Variants in PIP5K1C observed in about 807,000 individuals in gnomAD.
The protein encoded by PIP5K1C is phosphatidylinositol-4-phosphate 5-kinase type 1 gamma.
Under a neutral mutation model 80.1 loss-of-function variants are expected in PIP5K1C, and 45 were observed. The observed-to-expected ratio is 0.56, with a 90% CI of 0.44 to 0.72. The LOEUF (loss-of-function observed/expected upper bound fraction) is 0.72, where lower values mean the gene tolerates loss of function less well. PIP5K1C is among the 30% of genes least tolerant of loss of function. The pLI is 0.00. For synonymous variants in PIP5K1C, 498 were observed against 420.1 expected, an observed-to-expected ratio of 1.19 and a Z score of -2.27; for missense variants, 753 against 954.6, an observed-to-expected ratio of 0.79 and a Z score of 2.78.
intron 1 of PIP5K1C, among the ~76,000 whole-genome samples, chr19:3,694,813 G>A (rs901094670): frequency 3.3e-5 from 5 of 152,162 alleles, no homozygotes; most frequent in African/African-American, 4.8e-5. Context: ...CTCAGCTGCC[G>A]CAGGCCTGGC....
intron 5 of PIP5K1C, 138 bp from the exon 6 acceptor site, chr19:3,656,695 A>G: frequency 9.9e-7 from 1 of 1,005,448 alleles, no homozygotes. Context: ...AGGCTCAGAG[A>G]GGGCGAGAGA....
At chr19:3,669,653 AAGG>A (rs1185498380) in intron 1 of PIP5K1C, 3 of 152,340 alleles carry the variant, frequency 2.0e-5, no homozygotes, top group Non-Finnish European at 4.4e-5. Context: ...GGTCACACAG[AAGG>A]AGAAGGAAAG....
intron 1 of PIP5K1C, among the ~76,000 whole-genome samples, chr19:3,676,756 G>A (rs547291203): frequency 2.6e-5 from 4 of 152,252 alleles, no homozygotes; most frequent in South Asian, 4.1e-4. Context: ...TGAATTTCAC[G>A]TCCCCCCAAA....
At chr19:3,678,898 C>T (rs2035502018) in intron 1 of PIP5K1C, among the ~76,000 whole-genome samples, 1 of 87,512 alleles carries the variant, frequency 1.1e-5, no homozygotes, top group South Asian at 4.1e-4. Flanking sequence ...GGCGGGATGG[C>T]AGGACGGAGG....
chr19:3,660,878 G>GC lies in PIP5K1C; in HGVS notation c.468+87dup, dbSNP rs1568333912. 5 of 1,011,148 alleles carry GC rather than the reference G, an allele frequency of 4.9e-6. No individual in the cohort carries two copies. The East Asian group carries it at 1.2e-4, about 25-fold the overall frequency. The allele number at this position is 1,011,148 out of a possible 1,614,324, so 62.6% of individuals were successfully genotyped here. A position where few individuals can be genotyped will look rare whatever the true frequency, so the allele number is the denominator to read the frequency against. Reference sequence around the variant, plus strand: ...CCTACACGAGGAACCCAGGGAGGCTGCCCCCAAATGCCTGACCCACAGACC... The same window carrying GC: ...CCTACACGAGGAACCCAGGGAGGCTGCCCCCCAAATGCCTGACCCACAGACC... On this transcript the variant is annotated intron_variant, in intron 5 of 17. Transcript: ENST00000335312.
At chr19:3,694,884 G>A (rs775261575) in intron 1 of PIP5K1C, among the ~76,000 whole-genome samples, 2 of 152,192 alleles carry the variant, frequency 1.3e-5, no homozygotes, top group Admixed American at 6.5e-5. Context: ...CCGGCTCTGG[G>A]CTGGGCAAAC....
chr19:3,645,136 C>T lies in PIP5K1C; in HGVS notation c.1345+838G>A, dbSNP rs772877450. Among the ~76,000 whole-genome samples the T allele has an allele frequency of 5.0e-4, 76 of 151,260 alleles. 2 individuals are homozygous for T. The highest frequency in any genetic ancestry group is 1.3e-4 in the Admixed American group (2 of 15,222). ...GTGCAGGCCGGGAAGAGCAGCCTGC[C>T]TGCAAGCGCTGGGCACTGGCGTGCC... On this transcript the variant is annotated intron_variant, in intron 11 of 17. Coordinates refer to ENST00000335312, the MANE Select transcript of PIP5K1C (RefSeq NM_012398.3).
chr19:3,679,776 C>A (rs759806719), intron 1 of PIP5K1C, among the ~76,000 whole-genome samples: 2 of 152,196 alleles, frequency 1.3e-5, no homozygotes, highest in African/African-American at 2.4e-5. Context: ...GCAGTCAGGA[C>A]CTGCAGGGTT....
rs1373649703 is a variant in PIP5K1C, at chr19:3,636,984, G to A, written c.1920+1900C>T. 23 of 1,028,708 alleles carry A rather than the reference G, an allele frequency of 2.2e-5. No individual in the cohort carries two copies. The South Asian group carries it at 7.9e-4, about 35-fold the overall frequency. 63.7% of individuals were successfully genotyped at this position (1,028,708 alleles called of 1,614,324 possible). A position where few individuals can be genotyped will look rare whatever the true frequency, so the allele number is the denominator to read the frequency against. The stretch of plus-strand genomic sequence containing the variant: ...GGGATCTGGATTTTGACTAAACCGT[G>A]TGGTCTCCCAGGCTCCCAGGGGAGC... On this transcript the variant is annotated intron_variant, in intron 16 of 17. Transcript: ENST00000335312.
chr19:3,664,901 G>A lies in PIP5K1C; in HGVS notation c.140C>T (p.Thr47Met), dbSNP rs751527184. 7.4e-6 allele frequency: 12 copies of A among 1,612,884 alleles called. No homozygotes were observed. Among genetic ancestry groups the A allele is most frequent in the Admixed American group, 5.0e-5 (3 of 60,030 alleles). Residue 47 changes from threonine to methionine, a missense_variant, in exon 3 of 18, where the codon ACG becomes ATG. Transcript: ENST00000335312. Reference protein sequence around the residue: ...KAAPTEVLSMTAQPGPGHGKK... With the variant: ...KAAPTEVLSMMAQPGPGHGKK... ...CCCATGGCCAGGGCCCGGCTGTGCC[G>A]TCATGGACAGAACCTGGGAAGAGGA...
At chr19:3,684,010 G>A (rs940379149) in intron 1 of PIP5K1C, among the ~76,000 whole-genome samples, 4 of 137,148 alleles carry the variant, frequency 2.9e-5, no homozygotes, top group Non-Finnish European at 4.7e-5. Flanking sequence ...ACCCCGACCA[G>A]TGCTGACTCT....
In PIP5K1C at chr19:3,692,924, C is replaced by T. The variant is rs1232710282; in HGVS notation, c.94+7373G>A. On this transcript the variant is annotated intron_variant, in intron 1 of 17. Transcript: ENST00000335312. This position sits in a 1 kb window ranked among gnomAD's most constrained non-coding sequence, Gnocchi z 5.2. ...CTGCCAGACAGCTCCCTCCACACTT[C>T]CACAACCCCCTCACTTCCCCTGGAT... Among the ~76,000 whole-genome samples the T allele has an allele frequency of 1.3e-5, 2 of 151,910 alleles. No individual in the cohort carries two copies. The highest frequency in any genetic ancestry group is 4.8e-5 in the African/African-American group (2 of 41,386).
At chr19:3,647,808 G>A (rs886448614) in intron 9 of PIP5K1C, among the ~76,000 whole-genome samples, 4 of 152,192 alleles carry the variant, frequency 2.6e-5, no homozygotes, top group African/African-American at 9.7e-5. Flanking sequence ...TTAGCCGGGC[G>A]TGCTGGCGCG....
intron 16 of PIP5K1C, among the ~76,000 whole-genome samples, chr19:3,634,425 C>A (rs1480253498): frequency 6.6e-6 from 1 of 152,162 alleles, no homozygotes; most frequent in East Asian, 1.9e-4. Context: ...CAGCCTTCAA[C>A]GCCCCTCCCG....
At chr19:3,664,499 G>A (rs1001977223) in intron 3 of PIP5K1C, among the ~76,000 whole-genome samples, 1 of 152,202 alleles carries the variant, frequency 6.6e-6, no homozygotes, top group South Asian at 2.1e-4. Flanking sequence ...GCCCGAGGTG[G>A]TGGTGGGGTC....
At chr19:3,678,769 A>T (rs1600067094) in intron 1 of PIP5K1C, among the ~76,000 whole-genome samples, 1 of 72,026 alleles carries the variant, frequency 1.4e-5, no homozygotes, top group South Asian at 5.7e-4. Flanking sequence ...GCGGGATGGC[A>T]GGACGGAGGG....
At position 3,648,615 on chromosome 19, in the gene PIP5K1C, G is replaced by A. The variant is rs372866536; in HGVS notation, c.1211+10C>T. The A allele has an allele frequency of 4.5e-5, 73 of 1,611,100 alleles. No individual in the cohort carries two copies. In the African/African-American group the frequency reaches 6.4e-4, roughly 14 times the overall value. On this transcript the variant is annotated intron_variant, in intron 9 of 17. Coordinates refer to ENST00000335312, the MANE Select transcript of PIP5K1C (RefSeq NM_012398.3). The surrounding 1 kb of genome is among the most constrained non-coding windows in gnomAD (Gnocchi z 4.3). ...CGTCCACCTGTAGGACTGCAGACCC[G>A]GGCACCCACCTGTAGGACTGCAGGA...
intron 1 of PIP5K1C, among the ~76,000 whole-genome samples, chr19:3,693,276 G>A (rs1047609072): frequency 2.6e-5 from 4 of 152,152 alleles, no homozygotes; most frequent in Admixed American, 2.0e-4. Flanking sequence ...GGAGGAGAGC[G>A]GCCGGGCAGG....
chr19:3,664,743 C>G, intron 3 of PIP5K1C, 79 bp downstream of exon 3: 1 of 1,195,534 alleles, frequency 8.4e-7, no homozygotes, highest in South Asian at 1.2e-5. Context: ...GCGATAGGCC[C>G]CATCCATGCT....
Sources: allele counts gnomAD v4.1 joint callset (sites outside exome capture counted in the v4.1 genomes callset), GRCh38; gene constraint gnomAD v4.1.1; non-coding constraint Gnocchi (gnomAD v3.1); transcripts MANE v1.5; gene names NCBI Gene and HGNC (gene_info 2026-07-23, HGNC 2026-07-21).